The following G3BP2 variants were observed in gnomAD, a reference collection of about 807,000 sequenced individuals.
G3BP2 encodes ras GTPase-activating protein-binding protein 2.
G3BP2 carries 11 observed loss-of-function variants against 56.7 expected under a neutral mutation model. That is an observed-to-expected ratio of 0.19 (90% CI 0.12 to 0.32). The LOEUF is 0.32. Ranked by LOEUF, G3BP2 falls within the 10% of genes least tolerant of loss-of-function variation. The pLI is 1.00. For missense variants in G3BP2, 340 were observed against 610.9 expected (o/e 0.56, Z 4.67); for synonymous variants, 165 against 191.6 (o/e 0.86, Z 1.15).
chr4:75,674,816 G>A (rs1206489596), upstream of G3BP2, among the ~76,000 whole-genome samples: 10 of 149,100 alleles, frequency 6.7e-5, no homozygotes, highest in African/African-American at 2.0e-4. Flanking sequence ...TCCGCCTCCC[G>A]GGTTCAAGCG....
intron 1 of G3BP2, chr4:75,672,828 C>G (rs1291412180): frequency 1.1e-5 from 2 of 174,698 alleles, no homozygotes; most frequent in East Asian, 3.8e-4. Context: ...AACATCCCCT[C>G]CAGAAAGCCT....
intron 3 of G3BP2, among the ~76,000 whole-genome samples, chr4:75,706,773 A>T (rs1719562149): frequency 6.6e-6 from 1 of 152,202 alleles, no homozygotes; most frequent in Admixed American, 6.5e-5. Flanking sequence ...AGTTATTAGA[A>T]CAATGTCTAC....
chr4:75,654,769 G>T, intron 7 of G3BP2: 1 of 271,030 alleles, frequency 3.7e-6, no homozygotes, highest in Non-Finnish European at 6.8e-6. Context: ...ATTTAATACA[G>T]AATGAAAGAA....
intron 2 of G3BP2, 146 bp from the exon 3 acceptor site, chr4:75,659,070 A>C: frequency 1.6e-6 from 1 of 641,522 alleles, no homozygotes; most frequent in Non-Finnish European, 2.8e-6. Context: ...TAAGGTCTTC[A>C]AGTTCAGCTT....
chr4:75,658,178 T>G (rs1732255146), intron 3 of G3BP2, among the ~76,000 whole-genome samples: 1 of 152,210 alleles, frequency 6.6e-6, no homozygotes, highest in Non-Finnish European at 1.5e-5. Flanking sequence ...TCCTATAGCA[T>G]AGGGTTTAGC....
chr4:75,654,901 G>A, intron 7 of G3BP2, 165 bp downstream of exon 7: 1 of 592,364 alleles, frequency 1.7e-6, no homozygotes, highest in Non-Finnish European at 2.9e-6. Context: ...GCGGGGCAGG[G>A]AAACAATAAC....
chr4:75,648,867 G>A (rs960541366), intron 8 of G3BP2, 126 bp from the exon 9 acceptor site: 7 of 578,482 alleles, frequency 1.2e-5, no homozygotes, highest in African/African-American at 3.7e-5. Context: ...TTTTAACATA[G>A]TGTCCTATGT....
intron 7 of G3BP2, 63 bp downstream of exon 7, chr4:75,655,003 T>G: frequency 9.2e-7 from 1 of 1,089,966 alleles, no homozygotes; most frequent in South Asian, 1.4e-5. Context: ...AAGGTCATAC[T>G]TCATTAACAG....
At chr4:75,680,704 C>T (rs1196666567) in intron 3 of G3BP2, among the ~76,000 whole-genome samples, 2 of 152,132 alleles carry the variant, frequency 1.3e-5, no homozygotes, top group Non-Finnish European at 2.9e-5. Context: ...CAGTGGCTCA[C>T]GCCTGTAATC....
chr4:75,708,499 A>G (rs1016022486), intron 3 of G3BP2, among the ~76,000 whole-genome samples: 3 of 152,354 alleles, frequency 2.0e-5, no homozygotes, highest in African/African-American at 7.2e-5. Context: ...TAGACTAGAT[A>G]ATAATTCACA....
At chr4:75,673,413 C>T (rs1321691570), upstream of G3BP2, 1 of 1,232,130 alleles carries the variant, frequency 8.1e-7, no homozygotes, top group Admixed American at 4.2e-5. Flanking sequence ...CCACGGACGT[C>T]CCGCCCCCTT....
At chr4:75,717,630 G>A (rs1311128931) in intron 3 of G3BP2, among the ~76,000 whole-genome samples, 1 of 152,140 alleles carries the variant, frequency 6.6e-6, no homozygotes, top group African/African-American at 2.4e-5. Flanking sequence ...ATGGAATCTT[G>A]GCATCACCCA....
chr4:75,678,101 A>G (rs1339836816), upstream of G3BP2, among the ~76,000 whole-genome samples: 5 of 152,178 alleles, frequency 3.3e-5, no homozygotes, highest in Admixed American at 6.6e-5. Context: ...ACTATAAGCA[A>G]TAAGTTTCTG....
intron 3 of G3BP2, among the ~76,000 whole-genome samples, chr4:75,682,533 G>A (rs1007181001): frequency 6.6e-6 from 1 of 152,142 alleles, no homozygotes; most frequent in African/African-American, 2.4e-5. Context: ...ACTTTTGAAA[G>A]CAAATGTGTT....
At chr4:75,666,880 C>G (rs573215637) in intron 1 of G3BP2, among the ~76,000 whole-genome samples, 1 of 152,300 alleles carries the variant, frequency 6.6e-6, no homozygotes, top group East Asian at 1.9e-4. Context: ...AAGGTTTCAA[C>G]TATCTTATCC....
rs1020930096 is a variant in G3BP2 at position 75,673,373 on chromosome 4, G to A, written c.-190C>T. 1.9e-5 allele frequency: 24 copies of A among 1,231,060 alleles called. No homozygotes were observed. The highest frequency in any genetic ancestry group is 2.3e-5 in the Non-Finnish European group (23 of 987,926). The allele number at this position is 1,231,060 out of a possible 1,614,324, so 76.3% of individuals were successfully genotyped here. A position where few individuals can be genotyped will look rare whatever the true frequency, so the allele number is the denominator to read the frequency against. On this transcript the variant is annotated 5_prime_UTR_variant, in exon 1 of 12. Coordinates refer to ENST00000359707, the MANE Select transcript of G3BP2 (RefSeq NM_203505.3). ...TCTGCCTCACAACCACCTCTTCCCGGGCGCCAGGCGCTGCGACGTGCGACA... is the reference window on the plus strand; with the variant it reads ...TCTGCCTCACAACCACCTCTTCCCGAGCGCCAGGCGCTGCGACGTGCGACA...
chr4:75,665,741 C>G (rs984628651), intron 1 of G3BP2, among the ~76,000 whole-genome samples: 2 of 151,996 alleles, frequency 1.3e-5, no homozygotes, highest in African/African-American at 4.8e-5. Context: ...GAACAGTAGA[C>G]TTACCTGGTA....
chr4:75,658,991 G>A lies in G3BP2; in HGVS notation c.96-67C>T. 3 of 1,204,138 alleles carry A rather than the reference G, an allele frequency of 2.5e-6. No homozygotes were observed. In the South Asian group the frequency reaches 3.6e-5, roughly 15 times the overall value. The allele number at this position is 1,204,138 out of a possible 1,614,324, so 74.6% of individuals were successfully genotyped here. A position where few individuals can be genotyped will look rare whatever the true frequency, so the allele number is the denominator to read the frequency against. On this transcript the variant is annotated intron_variant, in intron 2 of 11. Transcript: ENST00000359707. ...GAAGCCTAAGAAGCAGAATTCTGGT[G>A]TCATAGACTAGGTTCCGGATCCCGC...
chr4:75,688,770 A>G (rs1718727881), intron 3 of G3BP2, among the ~76,000 whole-genome samples: 1 of 152,240 alleles, frequency 6.6e-6, no homozygotes, highest in Non-Finnish European at 1.5e-5. Context: ...ATGTTTAGCA[A>G]GAATTCCACT....
Sources: allele counts gnomAD v4.1 joint callset (sites outside exome capture counted in the v4.1 genomes callset), GRCh38; gene constraint gnomAD v4.1.1; transcripts MANE v1.5; gene names NCBI Gene and HGNC (gene_info 2026-07-23, HGNC 2026-07-21).